FRMPD4: variants seen among roughly 807,000 people sequenced by gnomAD.
FRMPD4 encodes FERM and PDZ domain-containing protein 4.
FRMPD4 carries 22 observed loss-of-function variants against 94.1 expected under a neutral mutation model. The observed-to-expected ratio is 0.23, with a 90% confidence interval of 0.17 to 0.33. The LOEUF (loss-of-function observed/expected upper bound fraction) is 0.33, where lower values mean the gene tolerates loss of function less well. Ranked by LOEUF, FRMPD4 falls within the 10% of genes least tolerant of loss-of-function variation. FRMPD4 has a pLI of 1.00. For synonymous variants in FRMPD4, 631 were observed against 548.6 expected, an observed-to-expected ratio of 1.15 and a Z score of -2.10; for missense variants, 1,111 against 1,339.9, an observed-to-expected ratio of 0.83 and a Z score of 2.67.
At position 12,178,231 on chromosome X, in the gene FRMPD4, C is replaced by T. The variant is rs939397637; in HGVS notation, c.41+39219C>T. On this transcript the variant is annotated intron_variant, in intron 1 of 16. Transcript: ENST00000675598. Reference sequence around the variant, plus strand: ...CACTAGACATCAAATCAGCTGGCACCTTGATTCTAGGACTTCCCAGCCTTC... The same window carrying T: ...CACTAGACATCAAATCAGCTGGCACTTTGATTCTAGGACTTCCCAGCCTTC... 4.5e-5 allele frequency among the ~76,000 whole-genome samples: 5 copies of T among 111,813 alleles called. No homozygotes were observed. The Admixed American group carries it at 4.8e-4, about 11-fold the overall frequency.
At chrX:12,255,870 G>T (rs978596231) in intron 1 of FRMPD4, among the ~76,000 whole-genome samples, 6 of 112,035 alleles carry the variant, frequency 5.4e-5, no homozygotes, top group Non-Finnish European at 9.4e-5. Context: ...GATACAGAGG[G>T]CTGGAAACAG....
At chrX:12,197,491 G>A (rs1227815020) in intron 1 of FRMPD4, among the ~76,000 whole-genome samples, 6 of 111,743 alleles carry the variant, frequency 5.4e-5, no homozygotes, top group African/African-American at 1.6e-4. Flanking sequence ...AAAAGTGGGA[G>A]AAGAGAAGTG....
intron 1 of FRMPD4, among the ~76,000 whole-genome samples, chrX:12,313,535 T>C (rs1258784957): frequency 8.9e-6 from 1 of 112,630 alleles, no homozygotes; most frequent in Non-Finnish European, 1.9e-5. Flanking sequence ...TTGCTCTGAA[T>C]CAACAGATAG....
intron 3 of FRMPD4, among the ~76,000 whole-genome samples, chrX:12,056,355 A>G (rs1348209168): frequency 8.9e-6 from 1 of 112,132 alleles, no homozygotes; most frequent in Non-Finnish European, 1.9e-5. Context: ...ATCTAATACT[A>G]TAGGGGCCCT....
intron 2 of FRMPD4, among the ~76,000 whole-genome samples, chrX:12,538,050 G>A (rs774500045): frequency 2.7e-5 from 3 of 111,258 alleles, no homozygotes; most frequent in South Asian, 7.7e-4. Context: ...CCCAGGAAGC[G>A]CAAGGGGTCA....
At chrX:12,499,618 T>C (rs1240806892) in intron 2 of FRMPD4, among the ~76,000 whole-genome samples, 1 of 112,759 alleles carries the variant, frequency 8.9e-6, no homozygotes, top group Non-Finnish European at 1.9e-5. Flanking sequence ...GAAATTTATA[T>C]ATTTTCTGTC....
chrX:12,542,005 A>G, intron 2 of FRMPD4, among the ~76,000 whole-genome samples: 1 of 112,398 alleles, frequency 8.9e-6, no homozygotes, highest in East Asian at 2.8e-4. Flanking sequence ...GATTATCTCA[A>G]TGGATGCAGA....
chrX:12,151,924 CTGAG>C (rs1300025574), intron 1 of FRMPD4, among the ~76,000 whole-genome samples: 18 of 111,480 alleles, frequency 1.6e-4, no homozygotes, highest in African/African-American at 4.9e-4. Context: ...AAATAGTATA[CTGAG>C]TATTTCAAAA....
chrX:12,512,371 C>A (rs1417410056), intron 2 of FRMPD4, among the ~76,000 whole-genome samples: 1 of 111,931 alleles, frequency 8.9e-6, no homozygotes, highest in Non-Finnish European at 1.9e-5. Context: ...CGCTCTCCCT[C>A]CCCCCACAAC....
chrX:12,307,138 C>T (rs1190672085), intron 1 of FRMPD4, among the ~76,000 whole-genome samples: 1 of 111,833 alleles, frequency 8.9e-6, no homozygotes, highest in African/African-American at 3.3e-5. Flanking sequence ...ACTGTTGGAA[C>T]AAGGAGAGTA....
intron 2 of FRMPD4, among the ~76,000 whole-genome samples, chrX:12,511,644 G>A (rs2058043819): frequency 9.0e-6 from 1 of 111,580 alleles, no homozygotes; most frequent in Admixed American, 9.5e-5. Flanking sequence ...GAGAGCCTAA[G>A]AGACTTACGG....
intron 1 of FRMPD4, among the ~76,000 whole-genome samples, chrX:12,327,020 A>G (rs2055300184): frequency 9.0e-6 from 1 of 111,426 alleles, no homozygotes; most frequent in Non-Finnish European, 1.9e-5. Context: ...ACAAAGTCAA[A>G]GTCACAACTT....
At chrX:12,382,286 G>A (rs2056327751) in intron 1 of FRMPD4, among the ~76,000 whole-genome samples, 1 of 111,787 alleles carries the variant, frequency 8.9e-6, no homozygotes, top group Admixed American at 9.5e-5. Context: ...AGGAAAAATG[G>A]GGTGACCCAG....
intron 3 of FRMPD4, among the ~76,000 whole-genome samples, chrX:12,022,150 G>A (rs1229984012): frequency 8.9e-6 from 1 of 112,556 alleles, no homozygotes; most frequent in Non-Finnish European, 1.9e-5. Context: ...CTAATCAATA[G>A]TTGGTACAGT....
chrX:12,659,649 C>T (rs1457481512), intron 4 of FRMPD4, among the ~76,000 whole-genome samples: 1 of 112,702 alleles, frequency 8.9e-6, no homozygotes, highest in Non-Finnish European at 1.9e-5. Flanking sequence ...ATCCCAAATG[C>T]CTGGCCCCAG....
intron 1 of FRMPD4, among the ~76,000 whole-genome samples, chrX:12,304,474 G>A (rs970585516): frequency 3.6e-5 from 4 of 110,988 alleles, no homozygotes; most frequent in Non-Finnish European, 7.5e-5. Flanking sequence ...TACAGACATT[G>A]CCTAATGTCC....
At chrX:12,262,970 A>G (rs1388909230) in intron 1 of FRMPD4, among the ~76,000 whole-genome samples, 1 of 111,592 alleles carries the variant, frequency 9.0e-6, no homozygotes, top group Non-Finnish European at 1.9e-5. Flanking sequence ...TCGTGAGGTT[A>G]ATTTGCTGCA....
At chrX:12,537,007 A>G (rs1459515883) in intron 2 of FRMPD4, among the ~76,000 whole-genome samples, 1 of 111,554 alleles carries the variant, frequency 9.0e-6, no homozygotes, top group East Asian at 2.8e-4. Context: ...ATCCCCTTAA[A>G]TTTTATGTCC....
chrX:11,873,505 A>C (rs995949402), intron 2 of FRMPD4, among the ~76,000 whole-genome samples: 6 of 110,783 alleles, frequency 5.4e-5, no homozygotes, highest in Non-Finnish European at 1.1e-4. Flanking sequence ...AAAGAATGTT[A>C]CTCTTTGCTG....
Sources: allele counts gnomAD v4.1 joint callset (sites outside exome capture counted in the v4.1 genomes callset), GRCh38; gene constraint gnomAD v4.1.1; transcripts MANE v1.5; gene names NCBI Gene and HGNC (gene_info 2026-07-23, HGNC 2026-07-21).